The following MRAS variants were observed in gnomAD, a reference collection of about 807,000 sequenced individuals.
MRAS encodes ras-related protein M-Ras.
Under a neutral mutation model 20.9 loss-of-function variants are expected in MRAS, and 4 were observed. That is an observed-to-expected ratio of 0.19 (90% CI 0.09 to 0.44). The LOEUF is 0.44. Ranked by LOEUF, MRAS falls within the 20% of genes least tolerant of loss-of-function variation. MRAS has a pLI of 0.99. For missense variants in MRAS, 154 were observed against 277.5 expected (o/e 0.56, Z 3.16); for synonymous variants, 98 against 102.9 (o/e 0.95, Z 0.29).
chr3:138,400,499 G>T, intron 4 of MRAS, 35 bp from the exon 5 acceptor site: 1 of 1,567,398 alleles, frequency 6.4e-7, no homozygotes, highest in South Asian at 1.1e-5. Context: ...GAGGATCTCT[G>T]TGCCACTTTG....
chr3:138,367,039 G>A (rs996131403), intron 1 of MRAS, among the ~76,000 whole-genome samples: 21 of 152,340 alleles, frequency 1.4e-4, no homozygotes, highest in Middle Eastern at 3.4e-3. Flanking sequence ...GGCAAATTTC[G>A]TGAGGGGTAA....
In MRAS at chr3:138,402,549, C is replaced by A. The variant is rs1054402887; in HGVS notation, c.*280C>A. The A allele has an allele frequency of 3.0e-5, 12 of 393,532 alleles. No homozygotes were observed. Among genetic ancestry groups the A allele is most frequent in the African/African-American group, 1.8e-4 (9 of 48,714 alleles). 24.4% of individuals were successfully genotyped at this position (393,532 alleles called of 1,614,324 possible). A position where few individuals can be genotyped will look rare whatever the true frequency, so the allele number is the denominator to read the frequency against. On this transcript the variant is annotated 3_prime_UTR_variant, in exon 6 of 6. Transcript: ENST00000423968. ...GTGTTGATTCAACCCGGTTCCTCCC[C>A]CTCTCTCGGTGGGTGTGTTGTTTAT...
intron 1 of MRAS, chr3:138,349,783 T>A (rs1053119634): frequency 6.6e-6 from 1 of 152,232 alleles, no homozygotes; most frequent in Admixed American, 6.5e-5. Context: ...GATGGAGATA[T>A]GACTTTAAGA....
In MRAS at chr3:138,372,940, G is replaced by A. The variant is rs1239516898; in HGVS notation, c.57G>A (p.Val19=). The A allele has an allele frequency of 6.4e-7, 1 of 1,558,052 alleles. No individual in the cohort carries two copies. Residue 19 remains valine (V), a synonymous_variant, in exon 2 of 6, where the codon GTG becomes GTA. Transcript: ENST00000423968. Reference sequence around the variant, plus strand: ...TCCCCACATACAAGCTGGTGGTGGTGGGGGATGGGGGTGTGGGCAAAAGTG... The same window carrying A: ...TCCCCACATACAAGCTGGTGGTGGTAGGGGATGGGGGTGTGGGCAAAAGTG... The part of the protein sequence containing the change: ...DNLPTYKLVV[V]GDGGVGKSAL...
At chr3:138,374,558 A>T (rs915669548) in intron 2 of MRAS, among the ~76,000 whole-genome samples, 1 of 152,130 alleles carries the variant, frequency 6.6e-6, no homozygotes, top group African/African-American at 2.4e-5. Context: ...TCCAATCTGG[A>T]TGGCTCTTAT....
chr3:138,402,129 C>T (rs2055373045), intron 5 of MRAS, 41 bp from the exon 6 acceptor site: 1 of 1,590,002 alleles, frequency 6.3e-7, no homozygotes, highest in Non-Finnish European at 8.6e-7. Context: ...GAAGCAAAGC[C>T]CATTCTGACT....
chr3:138,387,259 AC>A (rs1678077334), intron 2 of MRAS, among the ~76,000 whole-genome samples: 1 of 152,190 alleles, frequency 6.6e-6, no homozygotes, highest in African/African-American at 2.4e-5. Context: ...CTTCCCTGCC[AC>A]CCATGGCTGC....
chr3:138,387,038 G>A (rs903744882), intron 2 of MRAS, among the ~76,000 whole-genome samples: 2 of 152,186 alleles, frequency 1.3e-5, no homozygotes, highest in African/African-American at 4.8e-5. Flanking sequence ...ATGGGTTGAT[G>A]TGGGGTGCAA....
At chr3:138,361,438 C>T (rs2054445636) in intron 1 of MRAS, among the ~76,000 whole-genome samples, 3 of 152,156 alleles carry the variant, frequency 2.0e-5, no homozygotes, top group Admixed American at 2.0e-4. Flanking sequence ...AGACATGGGC[C>T]ACAGTGGTGG....
intron 2 of MRAS, among the ~76,000 whole-genome samples, chr3:138,375,102 G>A (rs1444192390): frequency 6.6e-6 from 1 of 152,112 alleles, no homozygotes; most frequent in African/African-American, 2.4e-5. Flanking sequence ...GCCCAGGCTG[G>A]TCTTGAACTC....
chr3:138,351,356 G>A (rs912289430), intron 1 of MRAS, among the ~76,000 whole-genome samples: 2 of 152,220 alleles, frequency 1.3e-5, no homozygotes, highest in Non-Finnish European at 2.9e-5. Context: ...TGTGCATTGA[G>A]TTCCAGAGGC....
At chr3:138,380,423 C>T (rs901514062) in intron 2 of MRAS, among the ~76,000 whole-genome samples, 5 of 152,114 alleles carry the variant, frequency 3.3e-5, no homozygotes, top group Non-Finnish European at 7.3e-5. Flanking sequence ...AGTGATTATC[C>T]TGCCTCACCC....
At chr3:138,348,814 C>G (rs1357588405) in intron 1 of MRAS, 47 bp downstream of exon 1, 4 of 151,504 alleles carry the variant, frequency 2.6e-5, no homozygotes, top group African/African-American at 9.7e-5. Flanking sequence ...GGCCGCGCCG[C>G]CTCTCGCCCC....
At chr3:138,386,773 G>A (rs1444836108) in intron 2 of MRAS, among the ~76,000 whole-genome samples, 7 of 152,154 alleles carry the variant, frequency 4.6e-5, no homozygotes, top group African/African-American at 9.7e-5. Context: ...GTGAGCCACC[G>A]CGTTCGGCCA....
chr3:138,359,811 C>T (rs1186396102), intron 1 of MRAS, among the ~76,000 whole-genome samples: 2 of 152,196 alleles, frequency 1.3e-5, no homozygotes, highest in African/African-American at 2.4e-5. Flanking sequence ...GAAGAGTTGT[C>T]TGCCTTAGAA....
At chr3:138,371,730 G>A (rs552779135) in intron 1 of MRAS, among the ~76,000 whole-genome samples, 1 of 152,252 alleles carries the variant, frequency 6.6e-6, no homozygotes, top group African/African-American at 2.4e-5. Flanking sequence ...AGCAGTTTAG[G>A]TTCCTGGCTA....
chr3:138,398,622 C>T (rs2055292334), intron 4 of MRAS, 54 bp downstream of exon 4: 3 of 1,479,464 alleles, frequency 2.0e-6, no homozygotes, highest in Non-Finnish European at 2.8e-6. Context: ...AAGCTGTAGC[C>T]TGGTCACCCC....
intron 2 of MRAS, among the ~76,000 whole-genome samples, chr3:138,386,200 T>A (rs2055009671): frequency 6.6e-6 from 1 of 152,090 alleles, no homozygotes. Flanking sequence ...CACTGCCAAC[T>A]CATTCCTGAA....
At chr3:138,393,105 GC>G (rs1423996263) in intron 2 of MRAS, among the ~76,000 whole-genome samples, 1 of 152,152 alleles carries the variant, frequency 6.6e-6, no homozygotes, top group Non-Finnish European at 1.5e-5. Flanking sequence ...GACAAATGAG[GC>G]GAGAACTTTA....
Sources: allele counts gnomAD v4.1 joint callset (sites outside exome capture counted in the v4.1 genomes callset), GRCh38; gene constraint gnomAD v4.1.1; transcripts MANE v1.5; gene names NCBI Gene and HGNC (gene_info 2026-07-23, HGNC 2026-07-21).